The following DLG2 variants were observed in gnomAD, a reference collection of about 807,000 sequenced individuals.
DLG2 encodes discs large MAGUK scaffold protein 2.
DLG2 carries 45 observed loss-of-function variants against 132.5 expected under a neutral mutation model. The observed-to-expected ratio is 0.34, with a 90% confidence interval of 0.27 to 0.44. DLG2 has a LOEUF of 0.44. Among genes scored for constraint, DLG2 ranks in the 20% least tolerant of loss-of-function variants. DLG2 has a pLI of 1.00. For synonymous variants in DLG2, 424 were observed against 419.6 expected, an observed-to-expected ratio of 1.01 and a Z score of -0.13; for missense variants, 1,045 against 1,196.9, an observed-to-expected ratio of 0.87 and a Z score of 1.87.
intron 6 of DLG2, among the ~76,000 whole-genome samples, chr11:84,552,815 A>G (rs1342381217): frequency 6.6e-6 from 1 of 152,106 alleles, no homozygotes; most frequent in Non-Finnish European, 1.5e-5. Flanking sequence ...TCACCCTCAG[A>G]TACATCTTCC....
At chr11:83,827,680 A>G (rs906319044) in intron 17 of DLG2, among the ~76,000 whole-genome samples, 35 of 151,976 alleles carry the variant, frequency 2.3e-4, no homozygotes, top group Admixed American at 1.0e-3. Context: ...TTGCTTGGAG[A>G]GACAGGAAAT....
rs2093337048 is a variant in DLG2 at position 83,484,020 on chromosome 11, G to A, written c.2293+109C>T. On this transcript the variant is annotated intron_variant, in intron 22 of 27. Transcript: ENST00000376104. ...AGTAGACCTGCCCTGCCTGCCTGCT[G>A]TGTTGTTTGCCTAGGTGTGTGGCGT... is the stretch of plus-strand genomic sequence containing the variant. 8.3e-6 allele frequency: 7 copies of A among 847,080 alleles called. No homozygotes were observed. The East Asian group carries it at 1.5e-4, about 18-fold the overall frequency. The allele number at this position is 847,080 out of a possible 1,614,324, so 52.5% of individuals were successfully genotyped here.
chr11:85,299,456 G>T (rs1371935919), intron 3 of DLG2, among the ~76,000 whole-genome samples: 3 of 152,148 alleles, frequency 2.0e-5, no homozygotes, highest in Admixed American at 2.0e-4. Flanking sequence ...AGCAGTTCCA[G>T]CTCAAAGATT....
chr11:85,510,035 C>A, intron 3 of DLG2: 1 of 117,900 alleles, frequency 8.5e-6, no homozygotes, highest in Non-Finnish European at 1.8e-5. Context: ...ATGGAGTGCC[C>A]CATGTTTTTA....
intron 18 of DLG2, among the ~76,000 whole-genome samples, chr11:83,664,095 T>C (rs1175804450): frequency 6.6e-6 from 1 of 152,198 alleles, no homozygotes; most frequent in Non-Finnish European, 1.5e-5. Flanking sequence ...GGATAAGCTA[T>C]TGTAGACAGA....
chr11:83,884,617 G>C (rs1274775122), intron 15 of DLG2, among the ~76,000 whole-genome samples: 2 of 152,210 alleles, frequency 1.3e-5, no homozygotes, highest in African/African-American at 4.8e-5. Context: ...TGCAGCTGGA[G>C]ATCTGAGGAC....
intron 6 of DLG2, among the ~76,000 whole-genome samples, chr11:85,059,509 A>G (rs1193914671): frequency 6.6e-6 from 1 of 151,714 alleles, no homozygotes; most frequent in Non-Finnish European, 1.5e-5. Context: ...ACTAATATCC[A>G]TCAACATCAG....
At chr11:83,997,299 C>T (rs2094093823) in intron 11 of DLG2, among the ~76,000 whole-genome samples, 1 of 152,076 alleles carries the variant, frequency 6.6e-6, no homozygotes, top group Admixed American at 6.6e-5. Flanking sequence ...ATTTTTCTTT[C>T]TACAAACCTC....
At chr11:84,766,772 C>A (rs944373279) in intron 6 of DLG2, among the ~76,000 whole-genome samples, 1 of 151,964 alleles carries the variant, frequency 6.6e-6, no homozygotes, top group African/African-American at 2.4e-5. Flanking sequence ...AGAAATAGCC[C>A]ATGCTTTAAG....
At chr11:84,984,139 A>C (rs540107819) in intron 6 of DLG2, among the ~76,000 whole-genome samples, 72 of 152,330 alleles carry the variant, frequency 4.7e-4, no homozygotes, top group African/African-American at 1.6e-3. Context: ...TAGACATCTA[A>C]ATACAAGAAG....
At chr11:85,455,459 T>C (rs775475113) in intron 3 of DLG2, among the ~76,000 whole-genome samples, 1 of 152,192 alleles carries the variant, frequency 6.6e-6, no homozygotes, top group East Asian at 1.9e-4. Context: ...TTGAATCATG[T>C]CATCTGCAAG....
At chr11:84,280,929 G>C (rs1396632822) in intron 7 of DLG2, among the ~76,000 whole-genome samples, 2 of 116,368 alleles carry the variant, frequency 1.7e-5, no homozygotes, top group African/African-American at 3.3e-5. Context: ...TACTGTGTTA[G>C]CCAGGATGGT....
At chr11:85,225,860 A>C (rs2074944149) in intron 4 of DLG2, among the ~76,000 whole-genome samples, 1 of 152,046 alleles carries the variant, frequency 6.6e-6, no homozygotes, top group Non-Finnish European at 1.5e-5. Context: ...CATATTCCTA[A>C]ACATTTACAT....
intron 4 of DLG2, among the ~76,000 whole-genome samples, chr11:85,215,478 A>G (rs1204745211): frequency 2.6e-5 from 4 of 152,292 alleles, no homozygotes. Flanking sequence ...GATTATTTTG[A>G]GCTGAAAGCA....
chr11:84,057,643 G>C (rs1211197007), intron 11 of DLG2, among the ~76,000 whole-genome samples: 1 of 152,102 alleles, frequency 6.6e-6, no homozygotes, highest in Admixed American at 6.6e-5. Flanking sequence ...TTGTTACAAA[G>C]TTTAAAACCA....
At chr11:84,615,840 A>AAAAAAAAAAAAAT (rs1565462492) in intron 6 of DLG2, among the ~76,000 whole-genome samples, 2 of 126,222 alleles carry the variant, frequency 1.6e-5, no homozygotes, top group African/African-American at 2.9e-5. Flanking sequence ...AAAAAAAAAA[A>AAAAAAAAAAAAAT]CTTCATTCCA....
chr11:85,168,170 AAAG>A (rs1489035900), intron 4 of DLG2, among the ~76,000 whole-genome samples: 2 of 152,288 alleles, frequency 1.3e-5, no homozygotes, highest in South Asian at 4.1e-4. Context: ...GGGAAAACAC[AAAG>A]AAGACAGTGT....
intron 6 of DLG2, among the ~76,000 whole-genome samples, chr11:84,721,797 C>G (rs371981360): frequency 4.6e-5 from 7 of 152,106 alleles, no homozygotes; most frequent in Admixed American, 3.9e-4. Context: ...TTACATTATC[C>G]AAACCCCTGT....
At chr11:84,967,810 T>C (rs1245086057) in intron 6 of DLG2, among the ~76,000 whole-genome samples, 1 of 152,132 alleles carries the variant, frequency 6.6e-6, no homozygotes, top group Middle Eastern at 3.2e-3. Flanking sequence ...AATGAGTACA[T>C]TTTTGCAATC....
Sources: allele counts gnomAD v4.1 joint callset (sites outside exome capture counted in the v4.1 genomes callset), GRCh38; gene constraint gnomAD v4.1.1; transcripts MANE v1.5; gene names NCBI Gene and HGNC (gene_info 2026-07-23, HGNC 2026-07-21).